The following NRXN3 variants were observed in gnomAD, a reference collection of about 807,000 sequenced individuals.
NRXN3 encodes neurexin III.
In NRXN3, 32 loss-of-function variants were observed where a neutral mutation model predicts 137.6. That is an observed-to-expected ratio of 0.23 (90% CI 0.18 to 0.31). The LOEUF (loss-of-function observed/expected upper bound fraction) is 0.31, where lower values mean the gene tolerates loss of function less well. Among genes scored for constraint, NRXN3 ranks in the 10% least tolerant of loss-of-function variants. The pLI, the probability that NRXN3 is intolerant of heterozygous loss-of-function variation, is 1.00. For synonymous variants in NRXN3, 798 were observed against 784.5 expected, an observed-to-expected ratio of 1.02 and a Z score of -0.29; for missense variants, 1,574 against 2,062.5, an observed-to-expected ratio of 0.76 and a Z score of 4.59.
chr14:78,743,874 AG>A (rs1179145016), intron 8 of NRXN3, among the ~76,000 whole-genome samples: 1 of 152,196 alleles, frequency 6.6e-6, no homozygotes, highest in East Asian at 1.9e-4. Context: ...AGGATCATCT[AG>A]GGGATACAGT....
rs79357167 is a variant in NRXN3 at position 79,598,724 on chromosome 14, C to T, written c.3445-65054C>T. 4.3e-3 allele frequency among the ~76,000 whole-genome samples: 648 copies of T among 152,188 alleles called. 3 individuals are homozygous for T. The highest frequency in any genetic ancestry group is 0.015 in the African/African-American group (627 of 41,538). ...AGTGGGTTGTGGGTTTGGGGAGAAG[C>T]AGAGGAAAGATTGACATCATGTGGA... On this transcript the variant is annotated intron_variant, in intron 16 of 20. Coordinates refer to ENST00000335750, the MANE Select transcript of NRXN3 (RefSeq NM_001330195.2).
chr14:79,389,655 T>C (rs1370169259), intron 15 of NRXN3, among the ~76,000 whole-genome samples: 1 of 152,218 alleles, frequency 6.6e-6, no homozygotes, highest in Non-Finnish European at 1.5e-5. Context: ...AATTGTAAGT[T>C]GTTAAATTGT....
Position 78,796,578 on chromosome 14 carries a change from T to C in NRXN3, c.2045-7042T>C, listed in dbSNP as rs186373758. ...ACTGGTAAAGCAGCCAGAAGTCGAG[T>C]AGAGAGAATCAGGGAATGAGAAAGC... is the stretch of plus-strand genomic sequence containing the variant. On this transcript the variant is annotated intron_variant, in intron 8 of 20. Transcript: ENST00000335750. 5.3e-5 allele frequency among the ~76,000 whole-genome samples: 8 copies of C among 152,124 alleles called. No individual in the cohort carries two copies. In the East Asian group the frequency reaches 1.6e-3, roughly 29 times the overall value.
chr14:79,279,258 C>G, intron 15 of NRXN3: 1 of 762,244 alleles, frequency 1.3e-6, no homozygotes, highest in Non-Finnish European at 1.6e-6. Flanking sequence ...TCGCTCTGGC[C>G]CCTCCTTCCT....
In NRXN3 at chr14:78,587,153, A is replaced by G. The variant is rs538508697; in HGVS notation, c.758-57967A>G. On this transcript the variant is annotated intron_variant, in intron 4 of 20. Coordinates refer to ENST00000335750, the MANE Select transcript of NRXN3 (RefSeq NM_001330195.2). Reference sequence around the variant, plus strand: ...CAGCATACCAGGTTTGCTCCTAGTTAAAGAGTCATGGAGCCCATGGGAGTG... The same window carrying G: ...CAGCATACCAGGTTTGCTCCTAGTTGAAGAGTCATGGAGCCCATGGGAGTG... Among the ~76,000 whole-genome samples, 3 of 152,322 alleles carry G rather than the reference A, an allele frequency of 2.0e-5. No homozygotes were observed. The South Asian group carries it at 6.2e-4, about 32-fold the overall frequency.
At chr14:78,893,820 T>A (rs1038357626) in intron 10 of NRXN3, among the ~76,000 whole-genome samples, 1 of 151,906 alleles carries the variant, frequency 6.6e-6, no homozygotes, top group Non-Finnish European at 1.5e-5. Context: ...GTGGGTGCAG[T>A]TCCAGACCAC....
intron 19 of NRXN3, among the ~76,000 whole-genome samples, chr14:79,761,584 T>A (rs1004285835): frequency 1.3e-5 from 2 of 148,542 alleles, no homozygotes; most frequent in South Asian, 4.2e-4. Context: ...TCTCAGCTAC[T>A]CGGGAGGCTG....
At chr14:79,581,970 C>G (rs572164574) in intron 16 of NRXN3, among the ~76,000 whole-genome samples, 1 of 152,144 alleles carries the variant, frequency 6.6e-6, no homozygotes, top group East Asian at 1.9e-4. Flanking sequence ...CTCTGTTACT[C>G]AGGCTACAAT....
chr14:78,336,221 T>C (rs1328036526), intron 4 of NRXN3, among the ~76,000 whole-genome samples: 1 of 152,168 alleles, frequency 6.6e-6, no homozygotes, highest in Non-Finnish European at 1.5e-5. Flanking sequence ...TGTATTTGAC[T>C]TGGAGTTGCA....
chr14:78,515,904 C>T (rs913528195), intron 4 of NRXN3, among the ~76,000 whole-genome samples: 1 of 152,124 alleles, frequency 6.6e-6, no homozygotes, highest in African/African-American at 2.4e-5. Flanking sequence ...AGAACTTGGA[C>T]TCTAGAATCC....
intron 4 of NRXN3, among the ~76,000 whole-genome samples, chr14:78,472,263 A>G (rs917769737): frequency 6.6e-6 from 1 of 152,102 alleles, no homozygotes; most frequent in Non-Finnish European, 1.5e-5. Context: ...TGGAGGGAAA[A>G]TGTGATATCC....
intron 16 of NRXN3, among the ~76,000 whole-genome samples, chr14:79,594,696 A>AT (rs202162177): frequency 0.014 from 2,076 of 145,946 alleles, 46 homozygotes; most frequent in African/African-American, 0.05. Context: ...TCTTCAAAAA[A>AT]AAATATATAT....
At chr14:78,615,929 C>T (rs554783063) in intron 4 of NRXN3, among the ~76,000 whole-genome samples, 3 of 152,278 alleles carry the variant, frequency 2.0e-5, no homozygotes, top group East Asian at 1.9e-4. Context: ...CACTATACTC[C>T]AGCCTGGGTG....
chr14:78,472,726 G>T (rs936590649), intron 4 of NRXN3, among the ~76,000 whole-genome samples: 4 of 152,032 alleles, frequency 2.6e-5, no homozygotes, highest in Non-Finnish European at 4.4e-5. Flanking sequence ...TCCTCTAAAA[G>T]AAGCGTTGGA....
chr14:78,669,521 C>A (rs1353801998), intron 6 of NRXN3, among the ~76,000 whole-genome samples: 2 of 152,080 alleles, frequency 1.3e-5, no homozygotes, highest in Non-Finnish European at 2.9e-5. Context: ...TATTAAATAC[C>A]TGCTAAAGAC....
chr14:79,272,062 G>A (rs998617946), intron 15 of NRXN3, among the ~76,000 whole-genome samples: 5 of 152,062 alleles, frequency 3.3e-5, no homozygotes, highest in Admixed American at 2.6e-4. Flanking sequence ...AATCCTTCTT[G>A]ATGGTCCCTG....
At chr14:79,439,306 A>G (rs1176464030) in intron 15 of NRXN3, among the ~76,000 whole-genome samples, 2 of 152,252 alleles carry the variant, frequency 1.3e-5, no homozygotes, top group Non-Finnish European at 2.9e-5. Context: ...TTGAGGTTTA[A>G]GTAGACATTA....
At chr14:79,390,174 G>A (rs1010709674) in intron 15 of NRXN3, among the ~76,000 whole-genome samples, 14 of 151,950 alleles carry the variant, frequency 9.2e-5, no homozygotes, top group Middle Eastern at 3.4e-3. Flanking sequence ...AAAATTAGGC[G>A]GGCGCGGTGG....
intron 15 of NRXN3, among the ~76,000 whole-genome samples, chr14:79,118,941 T>A (rs2152916377): frequency 6.6e-6 from 1 of 152,312 alleles, no homozygotes; most frequent in East Asian, 1.9e-4. Flanking sequence ...TAGCGGATTC[T>A]TTCTTTTCTG....
Sources: gnomAD v4.1 joint callset for allele counts (sites outside exome capture counted in the v4.1 genomes callset) on GRCh38, gnomAD v4.1.1 for gene constraint, MANE v1.5 for transcripts, NCBI Gene and HGNC (gene_info 2026-07-23, HGNC 2026-07-21) for gene names.